Variants in MYO3B observed in about 807,000 individuals in gnomAD.
The protein encoded by MYO3B is myosin-IIIb.
In MYO3B, 156 loss-of-function variants were observed where a neutral mutation model predicts 174.6. That is an observed-to-expected ratio of 0.89 (90% CI 0.78 to 1.02). MYO3B has a LOEUF of 1.02. Among genes scored for constraint, MYO3B ranks in the 50% least tolerant of loss-of-function variants. The pLI, the probability that MYO3B is intolerant of heterozygous loss-of-function variation, is 0.00. For missense variants in MYO3B, 1,632 were observed against 1,639.4 expected (o/e 1.00, Z 0.08); for synonymous variants, 563 against 569.1 (o/e 0.99, Z 0.15).
chr2:170,392,755 A>C (rs2094420701), intron 16 of MYO3B, among the ~76,000 whole-genome samples: 1 of 152,218 alleles, frequency 6.6e-6, no homozygotes, highest in Admixed American at 6.5e-5. Flanking sequence ...AGTCCAGATG[A>C]ACATCAAACT....
intron 7 of MYO3B, among the ~76,000 whole-genome samples, chr2:170,298,173 C>T (rs1432631450): frequency 3.3e-5 from 5 of 152,016 alleles, no homozygotes; most frequent in African/African-American, 9.7e-5. Flanking sequence ...CACATCCCAG[C>T]TGGCTAAAAA....
At chr2:170,446,840 C>G (rs1319142875) in intron 23 of MYO3B, among the ~76,000 whole-genome samples, 1 of 152,130 alleles carries the variant, frequency 6.6e-6, no homozygotes, top group Non-Finnish European at 1.5e-5. Context: ...GACATGACAG[C>G]CATCAGATAT....
intron 21 of MYO3B, among the ~76,000 whole-genome samples, chr2:170,407,267 C>T (rs932125253): frequency 2.5e-4 from 31 of 121,690 alleles, no homozygotes; most frequent in Non-Finnish European, 4.4e-4. Flanking sequence ...CAAGACCATC[C>T]TGGCTAACAC....
chr2:170,505,780 A>C (rs949963445), intron 28 of MYO3B, among the ~76,000 whole-genome samples: 2 of 152,240 alleles, frequency 1.3e-5, no homozygotes, highest in African/African-American at 4.8e-5. Flanking sequence ...GTGACAGTGG[A>C]GCCCTAGGGG....
At chr2:170,251,920 A>G (rs1452212968) in intron 7 of MYO3B, among the ~76,000 whole-genome samples, 1 of 152,214 alleles carries the variant, frequency 6.6e-6, no homozygotes, top group Non-Finnish European at 1.5e-5. Flanking sequence ...TGATATGGCT[A>G]GTTAGAGAGA....
chr2:170,472,011 A>G (rs565738968), intron 25 of MYO3B, among the ~76,000 whole-genome samples: 12 of 150,384 alleles, frequency 8.0e-5, no homozygotes, highest in Non-Finnish European at 1.6e-4. Context: ...AAAAAAACTC[A>G]CTTGACCAAC....
chr2:170,215,323 TG>T (rs1485579530), intron 5 of MYO3B, among the ~76,000 whole-genome samples: 1 of 152,172 alleles, frequency 6.6e-6, no homozygotes, highest in African/African-American at 2.4e-5. Context: ...CTGGTTGAAC[TG>T]GAAACATTAA....
intron 32 of MYO3B, among the ~76,000 whole-genome samples, chr2:170,623,926 G>A (rs192290175): frequency 3.3e-5 from 5 of 152,176 alleles, no homozygotes; most frequent in East Asian, 1.9e-4. Context: ...TGTTCCATTG[G>A]TCTATATTTC....
intron 24 of MYO3B, among the ~76,000 whole-genome samples, chr2:170,466,270 T>G (rs956686466): frequency 2.6e-5 from 4 of 152,228 alleles, no homozygotes; most frequent in African/African-American, 9.6e-5. Context: ...TGTTCTTAGC[T>G]AAGTTTCTGC....
intron 32 of MYO3B, among the ~76,000 whole-genome samples, chr2:170,609,617 T>C (rs944395743): frequency 6.6e-6 from 1 of 152,256 alleles, no homozygotes; most frequent in Admixed American, 6.5e-5. Context: ...AGACAATTTA[T>C]TGGGGTCCAA....
At chr2:170,342,030 T>C (rs1348870888) in intron 8 of MYO3B, 2 of 152,156 alleles carry the variant, frequency 1.3e-5, no homozygotes, top group East Asian at 3.9e-4. Context: ...TCAGGAACCA[T>C]GGTAATGTGA....
rs1553508880 is a variant in MYO3B, at chr2:170,494,746, A to AAG, written c.3015-3845_3015-3844insGA. 2.5e-4 allele frequency among the ~76,000 whole-genome samples: 37 copies of AAG among 147,770 alleles called. No homozygotes were observed. In the East Asian group the frequency reaches 2.7e-3, roughly 11 times the overall value. The stretch of plus-strand genomic sequence containing the variant: ...GCGTCTCAAAAAAAAAAAAAAAAAA[A>AAG]AAGAAGAAGAAAAAAAAGAAAAAAG... On this transcript the variant is annotated intron_variant, in intron 25 of 34. Coordinates refer to ENST00000408978, the MANE Select transcript of MYO3B (RefSeq NM_138995.5).
chr2:170,261,729 A>C (rs758092910), intron 7 of MYO3B, among the ~76,000 whole-genome samples: 1 of 152,194 alleles, frequency 6.6e-6, no homozygotes, highest in African/African-American at 2.4e-5. Flanking sequence ...ATTGTTTCGC[A>C]TTGTTTCATG....
At chr2:170,518,220 A>G (rs1688445248) in intron 29 of MYO3B, among the ~76,000 whole-genome samples, 1 of 152,160 alleles carries the variant, frequency 6.6e-6, no homozygotes, top group Non-Finnish European at 1.5e-5. Context: ...CACAAAAAAA[A>G]CTGATTTCTA....
intron 1 of MYO3B, among the ~76,000 whole-genome samples, chr2:170,194,869 G>A (rs1057086471): frequency 2.0e-5 from 3 of 152,136 alleles, no homozygotes; most frequent in African/African-American, 7.2e-5. Context: ...AGAGTCCCTG[G>A]CAAACCACTG....
chr2:170,243,203 A>G (rs922660048), intron 7 of MYO3B, among the ~76,000 whole-genome samples: 5 of 152,166 alleles, frequency 3.3e-5, no homozygotes, highest in African/African-American at 9.7e-5. Context: ...TCATGAGTCT[A>G]TGGGTTTCTC....
At chr2:170,417,510 A>C (rs1232208855) in intron 22 of MYO3B, among the ~76,000 whole-genome samples, 2 of 152,226 alleles carry the variant, frequency 1.3e-5, no homozygotes, top group Non-Finnish European at 2.9e-5. Context: ...TAGGGCTACC[A>C]TGTCAGAACA....
rs761517819 is a variant in MYO3B, at chr2:170,466,667, C to T, written c.2970C>T (p.Arg990=). ...TGILETVSIR[R]QGYSHRILFE... Reference sequence around the variant, plus strand: ...TTCTGGAGACAGTCAGCATCCGCCGCCAGGGCTATTCCCACCGCATCCTTT... The same window carrying T: ...TTCTGGAGACAGTCAGCATCCGCCGTCAGGGCTATTCCCACCGCATCCTTT... The change falls in exon 25 of 35, where the codon CGC becomes CGT. Residue 990 remains arginine, a synonymous_variant. Transcript: ENST00000408978. 10 of 1,614,092 alleles carry T rather than the reference C, an allele frequency of 6.2e-6. No homozygotes were observed. The highest frequency in any genetic ancestry group is 5.3e-5 in the African/African-American group (4 of 74,920).
intron 32 of MYO3B, among the ~76,000 whole-genome samples, chr2:170,616,597 A>G (rs1005954473): frequency 6.6e-6 from 1 of 152,232 alleles, no homozygotes; most frequent in Non-Finnish European, 1.5e-5. Flanking sequence ...CATAGCAATC[A>G]TAGCTTGGCA....
Sources: gnomAD v4.1 joint callset for allele counts (sites outside exome capture counted in the v4.1 genomes callset) on GRCh38, gnomAD v4.1.1 for gene constraint, MANE v1.5 for transcripts, NCBI Gene and HGNC (gene_info 2026-07-23, HGNC 2026-07-21) for gene names.